CCSER1: variants seen among roughly 807,000 people sequenced by gnomAD.
CCSER1 encodes coiled-coil serine rich protein 1, also known as serine-rich coiled-coil domain-containing protein 1.
A neutral mutation model predicts 82.0 loss-of-function variants in CCSER1; 41 were observed. That is an observed-to-expected ratio of 0.50 (90% CI 0.39 to 0.65). CCSER1 has a LOEUF of 0.65. Among genes scored for constraint, CCSER1 ranks in the 30% least tolerant of loss-of-function variants. The pLI, the probability that CCSER1 is intolerant of heterozygous loss-of-function variation, is 0.00. For synonymous variants in CCSER1, 414 were observed against 383.9 expected, an observed-to-expected ratio of 1.08 and a Z score of -0.92; for missense variants, 1,119 against 1,064.2, an observed-to-expected ratio of 1.05 and a Z score of -0.72.
At chr4:90,776,159 A>C (rs1752867345) in intron 7 of CCSER1, among the ~76,000 whole-genome samples, 1 of 152,158 alleles carries the variant, frequency 6.6e-6, no homozygotes, top group Non-Finnish European at 1.5e-5. Context: ...TGTATGAGGT[A>C]ATGCAATTCC....
chr4:90,781,934 G>C, intron 7 of CCSER1: 1 of 923,478 alleles, frequency 1.1e-6, no homozygotes, highest in South Asian at 5.0e-5. Context: ...AGAGACTGTT[G>C]AATATGAACG....
chr4:90,829,401 A>C (rs1163556090), intron 8 of CCSER1, among the ~76,000 whole-genome samples: 2 of 152,174 alleles, frequency 1.3e-5, no homozygotes, highest in South Asian at 2.1e-4. Flanking sequence ...GGAGAAAAAA[A>C]CAGCTACGCT....
chr4:91,325,943 C>T (rs1411251584), intron 10 of CCSER1, among the ~76,000 whole-genome samples: 2 of 151,372 alleles, frequency 1.3e-5, no homozygotes, highest in East Asian at 3.9e-4. Flanking sequence ...AAATGAACGT[C>T]CATCTTCAAA....
chr4:90,763,876 C>T (rs1329784780), intron 7 of CCSER1, among the ~76,000 whole-genome samples: 1 of 152,148 alleles, frequency 6.6e-6, no homozygotes, highest in Non-Finnish European at 1.5e-5. Flanking sequence ...TTCCTCATTT[C>T]CTGGTCATCC....
At chr4:91,184,759 G>T (rs1186233272) in intron 10 of CCSER1, among the ~76,000 whole-genome samples, 2 of 152,046 alleles carry the variant, frequency 1.3e-5, no homozygotes, top group Non-Finnish European at 2.9e-5. Flanking sequence ...CCTTGACTTG[G>T]TTTTTTCAAA....
chr4:90,158,178 G>T (rs1436317795), intron 1 of CCSER1, among the ~76,000 whole-genome samples: 1 of 135,102 alleles, frequency 7.4e-6, no homozygotes, highest in Non-Finnish European at 1.5e-5. Flanking sequence ...CGTGGTGGCT[G>T]CATAAACAGC....
intron 10 of CCSER1, among the ~76,000 whole-genome samples, chr4:91,355,217 G>A (rs573749634): frequency 2.0e-5 from 3 of 150,768 alleles, no homozygotes; most frequent in Admixed American, 1.3e-4. Flanking sequence ...TTTTTTAACT[G>A]TTTAACTTTT....
chr4:91,513,430 C>T (rs1227908333), intron 10 of CCSER1, among the ~76,000 whole-genome samples: 1 of 151,934 alleles, frequency 6.6e-6, no homozygotes, highest in Non-Finnish European at 1.5e-5. Context: ...TTTCCTTTTC[C>T]CATGAGTCTT....
intron 5 of CCSER1, among the ~76,000 whole-genome samples, chr4:90,482,968 G>A (rs1252031868): frequency 2.0e-5 from 3 of 152,120 alleles, no homozygotes; most frequent in Non-Finnish European, 4.4e-5. Flanking sequence ...TGTTGACAGT[G>A]GGGTGTTAAA....
chr4:91,489,396 C>T (rs1418247606), intron 10 of CCSER1, among the ~76,000 whole-genome samples: 2 of 152,086 alleles, frequency 1.3e-5, no homozygotes, highest in African/African-American at 4.8e-5. Context: ...GGGCAGCCTG[C>T]CTTCATTTAT....
intron 7 of CCSER1, among the ~76,000 whole-genome samples, chr4:90,791,064 C>T (rs1598146): frequency 0.54 from 82,040 of 152,008 alleles, 22,969 homozygotes; most frequent in African/African-American, 0.7. Context: ...AGGGAACTTA[C>T]AGGCATGGCA....
chr4:90,645,407 A>G (rs541013636), intron 6 of CCSER1, among the ~76,000 whole-genome samples: 1 of 152,330 alleles, frequency 6.6e-6, no homozygotes, highest in South Asian at 2.1e-4. Flanking sequence ...TTGAAGCCAA[A>G]CAATTTTAAT....
chr4:90,147,899 T>C (rs1726118481), intron 1 of CCSER1, among the ~76,000 whole-genome samples: 1 of 152,210 alleles, frequency 6.6e-6, no homozygotes, highest in East Asian at 1.9e-4. Context: ...GCATGGTGGC[T>C]GACTCCTGTA....
intron 4 of CCSER1, among the ~76,000 whole-genome samples, chr4:90,445,025 T>A (rs1393846198): frequency 2.6e-5 from 4 of 151,800 alleles, no homozygotes; most frequent in Non-Finnish European, 5.9e-5. Flanking sequence ...CAGATAAACA[T>A]CTTCCCTCAA....
chr4:90,464,759 G>C (rs1433602194), intron 4 of CCSER1, among the ~76,000 whole-genome samples: 1 of 152,168 alleles, frequency 6.6e-6, no homozygotes, highest in East Asian at 1.9e-4. Context: ...TTTGAATATG[G>C]AATGGCTTGA....
At chr4:91,343,450 G>T (rs1432016093) in intron 10 of CCSER1, among the ~76,000 whole-genome samples, 2 of 151,920 alleles carry the variant, frequency 1.3e-5, no homozygotes, top group African/African-American at 4.8e-5. Flanking sequence ...AAACACACTA[G>T]ACAATGACTT....
At chr4:91,228,944 C>T (rs989519669) in intron 10 of CCSER1, among the ~76,000 whole-genome samples, 20 of 152,110 alleles carry the variant, frequency 1.3e-4, no homozygotes, top group South Asian at 1.0e-3. Flanking sequence ...TATCTTGTAA[C>T]GGAAAGACAA....
At chr4:90,805,106 G>T (rs1413052714) in intron 7 of CCSER1, among the ~76,000 whole-genome samples, 2 of 152,152 alleles carry the variant, frequency 1.3e-5, no homozygotes, top group African/African-American at 4.8e-5. Flanking sequence ...TCTATGTTTA[G>T]ATGATCTTGT....
At chr4:90,353,392 C>T (rs1743854347) in intron 3 of CCSER1, among the ~76,000 whole-genome samples, 1 of 151,954 alleles carries the variant, frequency 6.6e-6, no homozygotes, top group Admixed American at 6.6e-5. Flanking sequence ...TCAGATTGAA[C>T]ATTAAATAGT....
Sources: allele counts gnomAD v4.1 joint callset (sites outside exome capture counted in the v4.1 genomes callset), GRCh38; gene constraint gnomAD v4.1.1; transcripts MANE v1.5; gene names NCBI Gene and HGNC (gene_info 2026-07-23, HGNC 2026-07-21).